ROBO1: variants seen among roughly 807,000 people sequenced by gnomAD.
ROBO1 encodes the protein roundabout guidance receptor 1.
ROBO1 carries 149 observed loss-of-function variants against 195.9 expected under a neutral mutation model. The ratio of observed to expected loss-of-function variants is 0.76; its 90% confidence interval spans 0.67 to 0.87. The LOEUF is 0.87. Ranked by LOEUF, ROBO1 falls within the 40% of genes least tolerant of loss-of-function variation. The probability of loss-of-function intolerance (pLI) is 0.00; values close to 1 mark genes in which losing one functional copy is unlikely to be tolerated. For missense variants in ROBO1, 1,933 were observed against 2,068.3 expected, an observed-to-expected ratio of 0.93 and a Z score of 1.27; for synonymous variants, 816 against 733.2, an observed-to-expected ratio of 1.11 and a Z score of -1.82.
intron 1 of ROBO1, among the ~76,000 whole-genome samples, chr3:79,713,260 C>T (rs1009990375): frequency 3.9e-5 from 6 of 152,048 alleles, no homozygotes; most frequent in Non-Finnish European, 8.8e-5. Context: ...GATCAAGGAG[C>T]AAATTTGACC....
intron 1 of ROBO1, among the ~76,000 whole-genome samples, chr3:79,703,227 C>G (rs1284244310): frequency 2.0e-5 from 3 of 151,780 alleles, no homozygotes; most frequent in Non-Finnish European, 4.4e-5. Context: ...ATGAAAATGT[C>G]TTAAAATGTA....
rs555524778 is a variant in ROBO1, at chr3:79,543,957, A to G, written c.88+45867T>C. ...AAAGCAGAAATAAGCAAAAATGTTT[A>G]GACTAAACAAAAAATGAGGAATGAT... On this transcript the variant is annotated intron_variant, in intron 2 of 30. Coordinates refer to ENST00000464233, the MANE Select transcript of ROBO1 (RefSeq NM_002941.4). 7.2e-5 allele frequency among the ~76,000 whole-genome samples: 11 copies of G among 152,244 alleles called. No individual in the cohort carries two copies. In the East Asian group the frequency reaches 2.1e-3, roughly 29 times the overall value.
At position 79,595,808 on chromosome 3, in the gene ROBO1, C is replaced by A. The variant is rs183466668; in HGVS notation, c.-50-5847G>T. On this transcript the variant is annotated intron_variant, in intron 1 of 30. Coordinates refer to ENST00000464233, the MANE Select transcript of ROBO1 (RefSeq NM_002941.4). ...GGCCTCAAGATCCATCTGTTTTGGC[C>A]TCTGGAAGTGTTGGGATTACAAGCA... Among the ~76,000 whole-genome samples the A allele has an allele frequency of 8.9e-4, 135 of 151,468 alleles. 2 individuals carry two copies. The highest frequency in any genetic ancestry group is 2.4e-3 in the Admixed American group (36 of 15,146).
chr3:78,833,502 A>C (rs926824174), intron 4 of ROBO1, among the ~76,000 whole-genome samples: 7 of 152,188 alleles, frequency 4.6e-5, no homozygotes, highest in African/African-American at 1.7e-4. Flanking sequence ...CAATGAAAAT[A>C]TATTTAATTG....
intron 10 of ROBO1, among the ~76,000 whole-genome samples, chr3:78,677,587 A>T (rs1347041821): frequency 2.0e-5 from 3 of 151,724 alleles, no homozygotes; most frequent in Non-Finnish European, 4.4e-5. Context: ...AGGCCATTAC[A>T]TAATGGTAAA....
At chr3:78,992,647 C>A (rs1257014443) in intron 3 of ROBO1, among the ~76,000 whole-genome samples, 1 of 152,094 alleles carries the variant, frequency 6.6e-6, no homozygotes, top group Non-Finnish European at 1.5e-5. Context: ...GCTACACAAT[C>A]CCAAAGCCAC....
intron 5 of ROBO1, among the ~76,000 whole-genome samples, chr3:78,727,604 G>A (rs1438272840): frequency 1.3e-5 from 2 of 152,150 alleles, no homozygotes; most frequent in Non-Finnish European, 2.9e-5. Flanking sequence ...CAGCCTGGGC[G>A]ACAGAGCGAG....
At chr3:79,156,520 A>G (rs1455483802) in intron 2 of ROBO1, among the ~76,000 whole-genome samples, 1 of 151,816 alleles carries the variant, frequency 6.6e-6, no homozygotes, top group Non-Finnish European at 1.5e-5. Flanking sequence ...TTCGTTTTTC[A>G]TGTTTTCACT....
chr3:79,129,068 A>C (rs939131735), intron 2 of ROBO1, among the ~76,000 whole-genome samples: 2 of 152,182 alleles, frequency 1.3e-5, no homozygotes, highest in East Asian at 3.8e-4. Flanking sequence ...ATGCTCTACC[A>C]ACAACCAAAT....
chr3:79,752,510 G>T (rs1704173750), intron 1 of ROBO1, among the ~76,000 whole-genome samples: 2 of 152,098 alleles, frequency 1.3e-5, no homozygotes, highest in South Asian at 2.1e-4. Context: ...AGAATGTAGG[G>T]TGTTTCAATC....
At position 79,104,727 on chromosome 3, in the gene ROBO1, G is replaced by A. The variant is rs140622619; in HGVS notation, c.172+20729C>T. 6.1e-3 allele frequency among the ~76,000 whole-genome samples: 926 copies of A among 151,804 alleles called. 7 individuals are homozygous for A. The highest frequency in any genetic ancestry group is 0.019 in the African/African-American group (805 of 41,482). ...ACTTTACTAGATTATTGTAATTAAT[G>A]TAAACATAGTCCATGCTCCTTGATA... On this transcript the variant is annotated intron_variant, in intron 3 of 30. Coordinates refer to ENST00000464233, the MANE Select transcript of ROBO1 (RefSeq NM_002941.4).
At chr3:78,730,044 C>T (rs1488733182) in intron 5 of ROBO1, among the ~76,000 whole-genome samples, 1 of 152,032 alleles carries the variant, frequency 6.6e-6, no homozygotes, top group African/African-American at 2.4e-5. Flanking sequence ...GCTAAGACAG[C>T]CTGAAATAAA....
chr3:79,626,353 C>G (rs1479177916), intron 1 of ROBO1, among the ~76,000 whole-genome samples: 1 of 152,136 alleles, frequency 6.6e-6, no homozygotes, highest in East Asian at 1.9e-4. Flanking sequence ...AGGAATATCA[C>G]TTGAACCCGG....
intron 2 of ROBO1, among the ~76,000 whole-genome samples, chr3:79,383,476 G>A (rs1414297090): frequency 6.6e-6 from 1 of 151,954 alleles, no homozygotes; most frequent in Non-Finnish European, 1.5e-5. Context: ...GGACCTGGAG[G>A]TGCAATTTTA....
chr3:79,378,794 A>T (rs2036470637), intron 2 of ROBO1, among the ~76,000 whole-genome samples: 1 of 152,174 alleles, frequency 6.6e-6, no homozygotes, highest in South Asian at 2.1e-4. Flanking sequence ...TGCATCTCCC[A>T]CATCATATAG....
chr3:79,034,626 A>T (rs530174341), intron 3 of ROBO1, among the ~76,000 whole-genome samples: 1 of 152,328 alleles, frequency 6.6e-6, no homozygotes, highest in African/African-American at 2.4e-5. Context: ...TAATAAAATA[A>T]CAAAGAACTT....
At position 79,603,516 on chromosome 3, in the gene ROBO1, A is replaced by G. The variant is rs571012100; in HGVS notation, c.-50-13555T>C. Among the ~76,000 whole-genome samples the G allele has an allele frequency of 1.5e-3, 224 of 152,078 alleles. 2 individuals carry two copies. The highest frequency in any genetic ancestry group is 5.1e-3 in the African/African-American group (213 of 41,530). On this transcript the variant is annotated intron_variant, in intron 1 of 30. Coordinates refer to ENST00000464233, the MANE Select transcript of ROBO1 (RefSeq NM_002941.4). ...ATATGTGAGTAATCACTTGAGATCA[A>G]CTGCTGCTGATCTAACCTGCGAGTG...
At position 79,118,900 on chromosome 3, in the gene ROBO1, C is replaced by G. The variant is rs370250298; in HGVS notation, c.172+6556G>C. Among the ~76,000 whole-genome samples the G allele has an allele frequency of 4.0e-5, 6 of 151,504 alleles. No individual in the cohort carries two copies. In the East Asian group the frequency reaches 1.2e-3, roughly 29 times the overall value. On this transcript the variant is annotated intron_variant, in intron 3 of 30. Transcript: ENST00000464233. The stretch of plus-strand genomic sequence containing the variant: ...AAAAAAATTTGAAGCAATCTCTCCA[C>G]AGTTAAAACTATTTATCAAAAGTAA...
chr3:78,766,248 T>C (rs532255856), intron 4 of ROBO1, among the ~76,000 whole-genome samples: 7 of 152,290 alleles, frequency 4.6e-5, no homozygotes, highest in Admixed American at 1.3e-4. Context: ...CTATTATTTA[T>C]ATAGCAGGGA....
Sources: allele counts gnomAD v4.1 joint callset (sites outside exome capture counted in the v4.1 genomes callset), GRCh38; gene constraint gnomAD v4.1.1; transcripts MANE v1.5; gene names NCBI Gene and HGNC (gene_info 2026-07-23, HGNC 2026-07-21).